CEP164: variants seen among roughly 807,000 people sequenced by gnomAD.
CEP164 encodes the protein centrosomal protein of 164 kDa.
Under a neutral mutation model 182.7 loss-of-function variants are expected in CEP164, and 162 were observed. The observed-to-expected ratio is 0.89, with a 90% CI of 0.78 to 1.01. The LOEUF (loss-of-function observed/expected upper bound fraction) is 1.01, where lower values mean the gene tolerates loss of function less well. Ranked by LOEUF, CEP164 falls within the 50% of genes least tolerant of loss-of-function variation. The pLI is 0.00. For synonymous variants in CEP164, 661 were observed against 690.0 expected, an observed-to-expected ratio of 0.96 and a Z score of 0.66; for missense variants, 1,735 against 1,790.4, an observed-to-expected ratio of 0.97 and a Z score of 0.56.
chr11:117,335,879 T>TTA (rs367793154), intron 2 of CEP164, among the ~76,000 whole-genome samples, 199 bp downstream of exon 2: 238 of 152,216 alleles, frequency 1.6e-3, no homozygotes, highest in African/African-American at 5.4e-3. Context: ...ATCACAAGTA[T>TTA]TATAAGCAGA....
rs1053676040 is a variant in CEP164 at position 117,342,997 on chromosome 11, TC to T, written c.83-1167del. On this transcript the variant is annotated intron_variant, in intron 3 of 32. Coordinates refer to ENST00000278935, the MANE Select transcript of CEP164 (RefSeq NM_014956.5). Reference sequence around the variant, plus strand: ...TAGAATGTAAGCTCCCACCTCAGCTTCCTGGGTAGCTGCATCTATAGGCACA... The same window carrying T: ...TAGAATGTAAGCTCCCACCTCAGCTTCTGGGTAGCTGCATCTATAGGCACA... 2.0e-4 allele frequency among the ~76,000 whole-genome samples: 31 copies of T among 152,248 alleles called. 1 individual carries two copies. The highest frequency in any genetic ancestry group is 7.5e-4 in the African/African-American group (31 of 41,532).
At chr11:117,390,499 G>T (rs2044495770) in intron 15 of CEP164, among the ~76,000 whole-genome samples, 1 of 152,092 alleles carries the variant, frequency 6.6e-6, no homozygotes, top group Non-Finnish European at 1.5e-5. Flanking sequence ...AGCTGGGTTT[G>T]ATGGTGCATG....
chr11:117,355,023 T>C (rs938355289), intron 5 of CEP164: 1 of 1,289,632 alleles, frequency 7.8e-7, no homozygotes, highest in Non-Finnish European at 1.0e-6. Flanking sequence ...GATCTGGACC[T>C]AGATCAAGAG....
chr11:117,395,196 G>A lies in CEP164; in HGVS notation c.2913+5G>A. The A allele has an allele frequency of 6.2e-7, 1 of 1,613,332 alleles. No homozygotes were observed. Among genetic ancestry groups the A allele is most frequent in the Non-Finnish European group, 8.5e-7 (1 of 1,179,856 alleles). On this transcript the variant is annotated splice_donor_5th_base_variant and intron_variant, in intron 23 of 32. Transcript: ENST00000278935. Reference sequence around the variant, plus strand: ...CAGGTTGCTCTGAAGAGTGAGGTTTGTCTCCCTGTTTTGTCCTCCCTCCTG... The same window carrying A: ...CAGGTTGCTCTGAAGAGTGAGGTTTATCTCCCTGTTTTGTCCTCCCTCCTG...
intron 14 of CEP164, chr11:117,385,194 C>T (rs146229120): frequency 6.6e-6 from 1 of 152,234 alleles, no homozygotes; most frequent in Non-Finnish European, 1.5e-5. Context: ...TACTTGGTGG[C>T]CAGCCTGAAA....
Position 117,358,750 on chromosome 11 carries a change from T to A in CEP164, c.394-3085T>A, listed in dbSNP as rs188115932. Among the ~76,000 whole-genome samples, 288 of 152,104 alleles carry A rather than the reference T, an allele frequency of 1.9e-3. 2 individuals carry two copies. Among genetic ancestry groups the A allele is most frequent in the Non-Finnish European group, 2.8e-3 (193 of 67,982 alleles). On this transcript the variant is annotated intron_variant, in intron 5 of 32. Coordinates refer to ENST00000278935, the MANE Select transcript of CEP164 (RefSeq NM_014956.5). ...GGTCTTACTGTGTTGCCCAGACTGG[T>A]CTTGTACCCCTGGCCTAAAAGTGAT...
Position 117,373,798 on chromosome 11 carries a change from C to T in CEP164, c.1200C>T (p.Ser400=), listed in dbSNP as rs756934525. The T allele has an allele frequency of 2.5e-6, 4 of 1,614,192 alleles. No homozygotes were observed. Among genetic ancestry groups the T allele is most frequent in the Middle Eastern group, 1.6e-4 (1 of 6,062 alleles). Reference sequence around the variant, plus strand: ...TGAAGGAACCACAGCTCTCAGACTCCATAGCTTCTGACCCCAAGTCCTTCC... The same window carrying T: ...TGAAGGAACCACAGCTCTCAGACTCTATAGCTTCTGACCCCAAGTCCTTCC... ...EHMKEPQLSD[S]IASDPKSFHG... is the part of the protein sequence containing the mutation. The change falls in exon 10 of 33, where the codon TCC becomes TCT. Residue 400 remains serine, a synonymous_variant. Transcript: ENST00000278935.
At chr11:117,388,184 A>G (rs1346413002) in intron 15 of CEP164, among the ~76,000 whole-genome samples, 2 of 151,966 alleles carry the variant, frequency 1.3e-5, no homozygotes, top group African/African-American at 4.8e-5. Context: ...CCAGCCCACC[A>G]GTCTCCTCCC....
chr11:117,351,814 C>T lies in CEP164; in HGVS notation c.219C>T (p.Tyr73=). 6.2e-7 allele frequency: 1 copy of T among 1,613,744 alleles called. No homozygotes were observed. Among genetic ancestry groups the T allele is most frequent in the Non-Finnish European group, 8.5e-7 (1 of 1,179,978 alleles). Residue 73 remains tyrosine (Y), a synonymous_variant, in exon 5 of 33, where the codon TAC becomes TAT. Transcript: ENST00000278935. The part of the protein sequence containing the change: ...KPCQDITGDI[Y]YFNFANGQSM... ...GCCAGGACATCACAGGTGACATTTACTATTTCAACTTCGCCAACGGGCAGT... is the reference window on the plus strand; with the variant it reads ...GCCAGGACATCACAGGTGACATTTATTATTTCAACTTCGCCAACGGGCAGT...
intron 5 of CEP164, chr11:117,354,884 A>G (rs1488839786): frequency 8.2e-7 from 1 of 1,216,778 alleles, no homozygotes; most frequent in Non-Finnish European, 1.0e-6. Context: ...AGTGTAAATC[A>G]GAAGTGCTTT....
At chr11:117,366,739 G>T (rs1398707146) in intron 8 of CEP164, among the ~76,000 whole-genome samples, 1 of 152,178 alleles carries the variant, frequency 6.6e-6, no homozygotes, top group Non-Finnish European at 1.5e-5. Context: ...CTTGATGGGG[G>T]TCTCTGCAGA....
At position 117,338,653 on chromosome 11, in the gene CEP164, A is replaced by G. The variant is rs2135058910; in HGVS notation, c.67A>G (p.Ile23Val). Residue 23 changes from isoleucine to valine, a missense_variant, in exon 3 of 33, where the codon ATT becomes GTT. Ile to Val is a conservative substitution (Grantham distance 29). Coordinates refer to ENST00000278935, the MANE Select transcript of CEP164 (RefSeq NM_014956.5). The stretch of plus-strand genomic sequence containing the variant: ...GGAAGAAGATTATGATGAGACCTAC[A>G]TTCCTAGTGAGCAAGGTAACAAGTC... Reference protein sequence around the residue: ...VLEEDYDETYIPSEQEILEFA... With the variant: ...VLEEDYDETYVPSEQEILEFA... The G allele has an allele frequency of 6.2e-7, 1 of 1,613,582 alleles. No individual in the cohort carries two copies. Among genetic ancestry groups the G allele is most frequent in the Non-Finnish European group, 8.5e-7 (1 of 1,179,492 alleles).
intron 27 of CEP164, 26 bp from the exon 28 acceptor site, chr11:117,407,899 C>G (rs1592496954): frequency 6.5e-7 from 1 of 1,548,026 alleles, no homozygotes. Context: ...GTAGTCATTT[C>G]TCCTCTGTTT....
intron 11 of CEP164, among the ~76,000 whole-genome samples, chr11:117,379,925 T>C (rs908476900): frequency 3.3e-5 from 5 of 151,644 alleles, no homozygotes; most frequent in African/African-American, 1.2e-4. Context: ...AAATGAGATT[T>C]TTGTTCTGTT....
rs1001494100 is a variant in CEP164, at chr11:117,408,080, C to G, written c.3609+48C>G. 4 of 1,414,316 alleles carry G rather than the reference C, an allele frequency of 2.8e-6. No homozygotes were observed. The African/African-American group carries it at 5.7e-5, about 20-fold the overall frequency. The allele number at this position is 1,414,316 out of a possible 1,614,324, so 87.6% of individuals were successfully genotyped here. On this transcript the variant is annotated intron_variant, in intron 28 of 32. Transcript: ENST00000278935. ...TCCAGTGGGCCCTGGCCTTCCTCTT[C>G]TGTTCTTGGGATTGGGTTGAGTTCT...
chr11:117,372,012 G>A (rs2042247224), intron 9 of CEP164, among the ~76,000 whole-genome samples: 1 of 151,300 alleles, frequency 6.6e-6, no homozygotes, highest in Non-Finnish European at 1.5e-5. Context: ...AACTAATTTT[G>A]GTATTTTTTG....
chr11:117,411,612 C>T lies in CEP164; in HGVS notation c.4164-183C>T, dbSNP rs551175462. The T allele has an allele frequency of 1.8e-5, 14 of 761,768 alleles. No individual in the cohort carries two copies. The highest frequency in any genetic ancestry group is 6.1e-5 in the Admixed American group (2 of 32,876). 47.2% of individuals were successfully genotyped at this position (761,768 alleles called of 1,614,324 possible). A position where few individuals can be genotyped will look rare whatever the true frequency, so the allele number is the denominator to read the frequency against. ...GGGCAGAGGGCCTCCACCACTTTCC[C>T]GTTTGGGAACTGTTCTGGAGGGGCA... On this transcript the variant is annotated intron_variant, in intron 31 of 32. Transcript: ENST00000278935. This position sits in a 1 kb window ranked among gnomAD's most constrained non-coding sequence, Gnocchi z 4.4.
intron 5 of CEP164, chr11:117,356,600 A>T: frequency 1.6e-6 from 2 of 1,286,686 alleles, no homozygotes; most frequent in Non-Finnish European, 2.0e-6. Context: ...GCCAGGCAAG[A>T]TGCAGCATCT....
intron 4 of CEP164, among the ~76,000 whole-genome samples, chr11:117,349,287 G>A (rs1229051395): frequency 2.6e-5 from 4 of 152,154 alleles, no homozygotes; most frequent in Admixed American, 2.6e-4. Flanking sequence ...TTACAGGTGT[G>A]AACCACTGTG....
Sources: allele counts gnomAD v4.1 joint callset (sites outside exome capture counted in the v4.1 genomes callset), GRCh38; gene constraint gnomAD v4.1.1; non-coding constraint Gnocchi (gnomAD v3.1); transcripts MANE v1.5; gene names NCBI Gene and HGNC (gene_info 2026-07-23, HGNC 2026-07-21).